Variants in C5 observed in about 807,000 individuals in gnomAD.
C5 encodes C3 and PZP-like alpha-2-macroglobulin domain-containing protein 4.
In C5, 140 loss-of-function variants were observed where a neutral mutation model predicts 218.8. That is an observed-to-expected ratio of 0.64 (90% confidence interval 0.56 to 0.74). The LOEUF is 0.74. Ranked by LOEUF, C5 falls within the 30% of genes least tolerant of loss-of-function variation. C5 has a pLI of 0.00. For missense variants in C5, 1,700 were observed against 1,969.6 expected (o/e 0.86, Z 2.59); for synonymous variants, 614 against 682.3 (o/e 0.90, Z 1.56).
the C5 span, among the ~76,000 whole-genome samples, chr9:121,062,547 C>G: frequency 4.6e-5 from 7 of 152,124 alleles, no homozygotes; most frequent in Non-Finnish European, 1.0e-4. Flanking sequence ...CACAAGGAAT[C>G]TCCTCTAATA....
chr9:120,996,474 T>A (rs1225191526), intron 21 of C5, among the ~76,000 whole-genome samples, 174 bp from the exon 22 acceptor site: 1 of 152,262 alleles, frequency 6.6e-6, no homozygotes, highest in Non-Finnish European at 1.5e-5. Flanking sequence ...TATGGCTATT[T>A]GCATATTGAC....
rs765305682 is a variant in C5 at position 121,015,236 on chromosome 9, C to T, written c.2022G>A (p.Arg674=). ...TCTTCTTTTGCAGCGTTCTTCTTGG[C>T]CTGAGAATTTCTTTACAAGGTTCAT... ...ENDEPCKEIL[R]PRRTLQKKIE... is the part of the protein sequence containing the mutation. The change falls in exon 16 of 41, where the codon AGG becomes AGA. Residue 674 remains arginine (R), a synonymous_variant. Coordinates refer to ENST00000223642, the MANE Select transcript of C5 (RefSeq NM_001735.3). 15 of 1,606,166 alleles carry T rather than the reference C, an allele frequency of 9.3e-6. No individual in the cohort carries two copies. Among genetic ancestry groups the T allele is most frequent in the Non-Finnish European group, 1.3e-5 (15 of 1,174,586 alleles).
the C5 span, among the ~76,000 whole-genome samples, chr9:121,071,950 C>A: frequency 6.6e-6 from 1 of 152,152 alleles, no homozygotes; most frequent in South Asian, 2.1e-4. Context: ...TTCATAATAT[C>A]AGATAAAGAA....
chr9:121,019,949 G>T lies in C5; in HGVS notation c.1506+27C>A, dbSNP rs757063723. ...GAAAATGTTCCAGGTGGGGGAATAA[G>T]ATGTAAATCCATCATTATGTACTTA... On this transcript the variant is annotated intron_variant, in intron 12 of 40. Coordinates refer to ENST00000223642, the MANE Select transcript of C5 (RefSeq NM_001735.3). 4 of 1,376,366 alleles carry T rather than the reference G, an allele frequency of 2.9e-6. No homozygotes were observed. The East Asian group carries it at 6.8e-5, about 24-fold the overall frequency. 85.3% of individuals were successfully genotyped at this position (1,376,366 alleles called of 1,614,324 possible).
intron 33 of C5, among the ~76,000 whole-genome samples, chr9:120,967,259 CAAAAAA>C (rs755173508): frequency 1.1e-4 from 8 of 74,026 alleles, no homozygotes; most frequent in Non-Finnish European, 3.4e-5. Context: ...AACTCCATCT[CAAAAAA>C]AAAAAAAAAA....
In C5 at chr9:120,955,088, C is replaced by T. The variant is rs536480144; in HGVS notation, c.4763-1220G>A. On this transcript the variant is annotated intron_variant, in intron 39 of 40. Coordinates refer to ENST00000223642, the MANE Select transcript of C5 (RefSeq NM_001735.3). ...CCTTACCTATTCTAAGCACTCTGTG[C>T]TTTGGAGAAATACCAATTTATCCTT... 1.5e-4 allele frequency among the ~76,000 whole-genome samples: 23 copies of T among 152,332 alleles called. No homozygotes were observed. The South Asian group carries it at 4.3e-3, about 29-fold the overall frequency.
intron 18 of C5, among the ~76,000 whole-genome samples, chr9:121,007,949 T>C (rs1003421827): frequency 2.0e-5 from 3 of 152,220 alleles, no homozygotes; most frequent in South Asian, 2.1e-4. Context: ...TTTAAGCCCA[T>C]CTAAGAAGAG....
chr9:121,073,511 CTTTTTTTTTT>C, the C5 span, among the ~76,000 whole-genome samples: 5 of 73,006 alleles, frequency 6.8e-5, no homozygotes, highest in Non-Finnish European at 1.0e-4. Context: ...GAAAACTGGA[CTTTTTTTTTT>C]TTTTTTTTTT....
intron 36 of C5, 53 bp downstream of exon 36, chr9:120,962,618 T>C (rs1036788887): frequency 3.0e-6 from 4 of 1,335,642 alleles, no homozygotes; most frequent in Non-Finnish European, 4.3e-6. Flanking sequence ...CTAAATGTTC[T>C]GGAAAGAATA....
intron 8 of C5, among the ~76,000 whole-genome samples, chr9:121,026,830 G>C (rs964667911): frequency 2.6e-5 from 4 of 152,046 alleles, no homozygotes; most frequent in African/African-American, 9.7e-5. Context: ...GCAAAGAAGG[G>C]GCAGGAGGTG....
chr9:121,049,869 A>G lies in C5; in HGVS notation c.65+313T>C, dbSNP rs1476355644. 7.9e-5 allele frequency among the ~76,000 whole-genome samples: 12 copies of G among 152,246 alleles called. No individual in the cohort carries two copies. In the South Asian group the frequency reaches 2.3e-3, roughly 29 times the overall value. On this transcript the variant is annotated intron_variant, in intron 1 of 40. Transcript: ENST00000223642. The stretch of plus-strand genomic sequence containing the variant: ...ATGAAAAACACAAAGAAAACTAAAC[A>G]CCAAGTTAAAATAAGCAAAAAATGT...
chr9:120,957,422 ATGT>A, intron 38 of C5, 54 bp from the exon 39 acceptor site: 1 of 1,336,458 alleles, frequency 7.5e-7, no homozygotes. Flanking sequence ...TATTAATGCT[ATGT>A]CCAGTAGAAG....
the C5 span, among the ~76,000 whole-genome samples, chr9:121,072,812 TAA>T: frequency 4.3e-3 from 424 of 98,576 alleles, 2 homozygotes; most frequent in African/African-American, 7.9e-3. Context: ...TTCAAAAAAT[TAA>T]AAAAAAAAAA....
At chr9:121,002,314 G>GTATATATATATA (rs1260903533) in intron 20 of C5, among the ~76,000 whole-genome samples, 2 of 62,470 alleles carry the variant, frequency 3.2e-5, no homozygotes, top group African/African-American at 1.2e-4. Flanking sequence ...ATATATGTGT[G>GTATATATATATA]TGTATATATA....
chr9:120,996,395 A>T (rs935910322), intron 21 of C5, 95 bp from the exon 22 acceptor site: 8 of 1,112,522 alleles, frequency 7.2e-6, no homozygotes, highest in Non-Finnish European at 1.1e-5. Flanking sequence ...TCAAACTAAA[A>T]AATTATTTTT....
At chr9:120,966,873 A>G (rs1339132833) in intron 33 of C5, among the ~76,000 whole-genome samples, 1 of 152,132 alleles carries the variant, frequency 6.6e-6, no homozygotes, top group Admixed American at 6.6e-5. Flanking sequence ...TGGGCTTGGG[A>G]CATAGAGAAG....
At chr9:120,956,154 C>T (rs779222450) in intron 39 of C5, among the ~76,000 whole-genome samples, 3 of 152,130 alleles carry the variant, frequency 2.0e-5, no homozygotes, top group Middle Eastern at 3.4e-3. Context: ...ATAAGTCAGG[C>T]GTGGTGGTGC....
At chr9:121,008,371 A>AGATTTTGGC in intron 18 of C5, 37 bp downstream of exon 18, 1 of 1,489,474 alleles carries the variant, frequency 6.7e-7, no homozygotes, top group Non-Finnish European at 9.4e-7. Flanking sequence ...TGCATTATCC[A>AGATTTTGGC]CATTTCTTTC....
intron 17 of C5, among the ~76,000 whole-genome samples, 195 bp from the exon 18 acceptor site, chr9:121,008,693 G>T (rs1434262400): frequency 6.6e-6 from 1 of 152,112 alleles, no homozygotes; most frequent in African/African-American, 2.4e-5. Context: ...ACTTTGGGAG[G>T]CCGAGGTGGG....
Sources: allele counts gnomAD v4.1 joint callset (sites outside exome capture counted in the v4.1 genomes callset), GRCh38; gene constraint gnomAD v4.1.1; transcripts MANE v1.5; gene names NCBI Gene and HGNC (gene_info 2026-07-23, HGNC 2026-07-21).